Variants in TPRKB observed in about 807,000 individuals in gnomAD.
The protein encoded by TPRKB is EKC/KEOPS complex subunit TPRKB.
A neutral mutation model predicts 17.8 loss-of-function variants in TPRKB; 11 were observed. The ratio of observed to expected loss-of-function variants is 0.62; its 90% CI spans 0.39 to 1.02. TPRKB has a LOEUF of 1.02. Ranked by LOEUF, TPRKB falls within the 50% of genes least tolerant of loss-of-function variation. The probability of loss-of-function intolerance (pLI) is 0.00; values close to 1 mark genes in which losing one functional copy is unlikely to be tolerated. For missense variants in TPRKB, 228 were observed against 198.0 expected, an observed-to-expected ratio of 1.15 and a Z score of -0.91; for synonymous variants, 71 against 69.5, an observed-to-expected ratio of 1.02 and a Z score of -0.11.
intron 4 of TPRKB, chr2:73,730,261 C>A: frequency 2.3e-6 from 1 of 442,494 alleles, no homozygotes; most frequent in Non-Finnish European, 3.8e-6. Flanking sequence ...AAATTTCTAT[C>A]CATTTTAAAA....
chr2:73,732,121 T>C, intron 3 of TPRKB, 42 bp downstream of exon 3: 1 of 1,596,884 alleles, frequency 6.3e-7, no homozygotes, highest in Non-Finnish European at 8.5e-7. Context: ...AACACATATG[T>C]TATTATGACA....
chr2:73,737,085 C>CTT (rs1671924821), intron 1 of TPRKB, among the ~76,000 whole-genome samples: 1 of 152,182 alleles, frequency 6.6e-6, no homozygotes. Flanking sequence ...CCAATCACAA[C>CTT]TCTGAAGAAT....
intron 3 of TPRKB, chr2:73,731,879 T>C (rs1266691742): frequency 7.9e-6 from 2 of 251,724 alleles, no homozygotes; most frequent in African/African-American, 4.5e-5. Flanking sequence ...TTTAGATTTC[T>C]GTCAGCTTCT....
chr2:73,733,796 C>A (rs537465273), intron 2 of TPRKB, among the ~76,000 whole-genome samples: 2 of 150,478 alleles, frequency 1.3e-5, no homozygotes, highest in African/African-American at 4.9e-5. Context: ...CTTAAATGCC[C>A]TGTATGGCTC....
Position 73,730,546 on chromosome 2 carries a change from A to G in TPRKB, c.441+14T>C. On this transcript the variant is annotated intron_variant, in intron 4 of 4. Coordinates refer to ENST00000272424, the MANE Select transcript of TPRKB (RefSeq NM_016058.5). ...CATCTATCACACTCTTTCTAAAAAT[A>G]TGGACTGGCAAACCTTTTTGACTTC... 6.4e-7 allele frequency: 1 copy of G among 1,558,176 alleles called. No homozygotes were observed. The highest frequency in any genetic ancestry group is 1.2e-5 in the South Asian group (1 of 82,272).
chr2:73,734,667 A>G, intron 1 of TPRKB, 76 bp from the exon 2 acceptor site: 2 of 1,299,186 alleles, frequency 1.5e-6, no homozygotes, highest in Non-Finnish European at 2.1e-6. Flanking sequence ...TAAATATTCA[A>G]AAACTTTGAA....
rs1671553731 is a variant in TPRKB at position 73,730,545 on chromosome 2, T to C, written c.441+15A>G. ...TCATCTATCACACTCTTTCTAAAAA[T>C]ATGGACTGGCAAACCTTTTTGACTT... is the stretch of plus-strand genomic sequence containing the variant. On this transcript the variant is annotated intron_variant, in intron 4 of 4. Coordinates refer to ENST00000272424, the MANE Select transcript of TPRKB (RefSeq NM_016058.5). The C allele has an allele frequency of 1.3e-6, 2 of 1,558,160 alleles. No individual in the cohort carries two copies. Among genetic ancestry groups the C allele is most frequent in the Non-Finnish European group, 1.7e-6 (2 of 1,155,146 alleles).
intron 1 of TPRKB, 88 bp downstream of exon 1, chr2:73,737,214 A>AC (rs1411889197): frequency 6.6e-6 from 1 of 152,014 alleles, no homozygotes; most frequent in Non-Finnish European, 1.5e-5. Flanking sequence ...AGAAATACCA[A>AC]CCGCAGCCGT....
At chr2:73,735,258 G>A (rs1671824815) in intron 1 of TPRKB, among the ~76,000 whole-genome samples, 1 of 152,042 alleles carries the variant, frequency 6.6e-6, no homozygotes, top group African/African-American at 2.4e-5. Flanking sequence ...CTTGAACCTG[G>A]GAGGCAGAGG....
intron 2 of TPRKB, 130 bp from the exon 3 acceptor site, chr2:73,732,415 C>T (rs1662557807): frequency 9.0e-7 from 1 of 1,112,802 alleles, no homozygotes; most frequent in Non-Finnish European, 1.3e-6. Flanking sequence ...TCTGTATTTT[C>T]AAAACTATTA....
intron 1 of TPRKB, among the ~76,000 whole-genome samples, chr2:73,736,777 T>C (rs535864469): frequency 6.6e-6 from 1 of 152,298 alleles, no homozygotes; most frequent in Admixed American, 6.5e-5. Flanking sequence ...GTACATCAGA[T>C]CTTGTCATTC....
At chr2:73,735,830 T>C (rs1671852597) in intron 1 of TPRKB, among the ~76,000 whole-genome samples, 1 of 152,230 alleles carries the variant, frequency 6.6e-6, no homozygotes, top group Non-Finnish European at 1.5e-5. Flanking sequence ...TAGAACTCTT[T>C]CTGATGGAAG....
At chr2:73,734,097 T>C (rs1332948772) in intron 2 of TPRKB, among the ~76,000 whole-genome samples, 1 of 140,300 alleles carries the variant, frequency 7.1e-6, no homozygotes, top group Admixed American at 7.2e-5. Context: ...TGAGCTACCA[T>C]GCCTGGCCAT....
Position 73,730,655 on chromosome 2 carries a change from G to T in TPRKB, c.346C>A (p.Gln116Lys). The change falls in exon 4 of 5, where the codon CAA (glutamine) becomes AAA (lysine). Residue 116 changes from glutamine (Q) to lysine (K), a missense_variant. Transcript: ENST00000272424. ...GATATTAGGTATTCTTGATTTATTT[G>T]TTTTTCTCCCTCTTCAATGTAAACA... ...LIVYIEEGEK[Q>K]INQEYLISQV... 7 of 1,584,224 alleles carry T rather than the reference G, an allele frequency of 4.4e-6. No homozygotes were observed. The highest frequency in any genetic ancestry group is 1.9e-5 in the Admixed American group (1 of 53,914).
At chr2:73,731,936 C>T in intron 3 of TPRKB, 1 of 421,034 alleles carries the variant, frequency 2.4e-6, no homozygotes, top group South Asian at 4.7e-5. Flanking sequence ...ATGGTAAGAA[C>T]AGATAAAATT....
chr2:73,735,155 C>T (rs922524717), intron 1 of TPRKB, among the ~76,000 whole-genome samples: 1 of 151,920 alleles, frequency 6.6e-6, no homozygotes, highest in Non-Finnish European at 1.5e-5. Context: ...ATGGAGAAAC[C>T]CCGTCTCTAC....
intron 1 of TPRKB, among the ~76,000 whole-genome samples, chr2:73,736,487 A>C (rs1392690037): frequency 6.6e-6 from 1 of 152,264 alleles, no homozygotes; most frequent in Non-Finnish European, 1.5e-5. Flanking sequence ...AAGAACCCTT[A>C]GAAAACTTCA....
At chr2:73,733,859 C>T (rs1671750788) in intron 2 of TPRKB, among the ~76,000 whole-genome samples, 1 of 144,214 alleles carries the variant, frequency 6.9e-6, no homozygotes, top group South Asian at 2.1e-4. Context: ...GGTCTGTTGC[C>T]CAGGCTGGAG....
chr2:73,731,079 A>C (rs1316116702), intron 3 of TPRKB: 2 of 181,778 alleles, frequency 1.1e-5, no homozygotes, highest in East Asian at 3.2e-4. Flanking sequence ...GTCACATTTC[A>C]TGCCCTTCTG....
Sources: gnomAD v4.1 joint callset for allele counts (sites outside exome capture counted in the v4.1 genomes callset) on GRCh38, gnomAD v4.1.1 for gene constraint, MANE v1.5 for transcripts, NCBI Gene and HGNC (gene_info 2026-07-23, HGNC 2026-07-21) for gene names.